The following REEP2 variants were observed in gnomAD, a reference collection of about 807,000 sequenced individuals.
REEP2 encodes receptor accessory protein 2.
REEP2 carries 9 observed loss-of-function variants against 32.1 expected under a neutral mutation model. The observed-to-expected ratio is 0.28, with a 90% CI of 0.17 to 0.49. REEP2 has a LOEUF of 0.49. Among genes scored for constraint, REEP2 ranks in the 20% least tolerant of loss-of-function variants. REEP2 has a pLI of 0.99. For synonymous variants in REEP2, 128 were observed against 139.1 expected (o/e 0.92, Z 0.56); for missense variants, 236 against 338.0 (o/e 0.70, Z 2.37).
rs1404404401 is a variant in REEP2, at chr5:138,445,475, C to A, written c.573C>A (p.Asp191Glu). The A allele has an allele frequency of 6.2e-7, 1 of 1,614,162 alleles. No homozygotes were observed. The part of the protein sequence containing the change: ...LLDTIEDLGD[D>E]PALSLRSSTN... Reference sequence around the variant, plus strand: ...TTTTCTCCCTGCACCCAGGAGATGACCCTGCCCTGAGTCTAAGGTCCAGCA... The same window carrying A: ...TTTTCTCCCTGCACCCAGGAGATGAACCTGCCCTGAGTCTAAGGTCCAGCA... The change falls in exon 7 of 8, where the codon GAC (aspartate) becomes GAA (glutamate). Residue 191 changes from aspartate to glutamate, a missense_variant. Transcript: ENST00000378339.
chr5:138,439,716 C>T, intron 1 of REEP2: 1 of 457,038 alleles, frequency 2.2e-6, no homozygotes, highest in Non-Finnish European at 4.4e-6. Flanking sequence ...TTGGTCTCTC[C>T]CTTCCACTCA....
rs1434867158 is a variant in REEP2, at chr5:138,441,930, A to G, written c.182+469A>G. 6.6e-6 allele frequency among the ~76,000 whole-genome samples: 1 copy of G among 152,134 alleles called. No homozygotes were observed. The highest frequency in any genetic ancestry group is 1.5e-5 in the Non-Finnish European group (1 of 68,012). ...CAACAGAGTGAGACTCCGTCTCAAA[A>G]AAAAAACAAACAAACAAGGAGTAAG... On this transcript the variant is annotated intron_variant, in intron 3 of 7. Coordinates refer to ENST00000378339, the MANE Select transcript of REEP2 (RefSeq NM_001271803.2). This position sits in a 1 kb window ranked among gnomAD's most constrained non-coding sequence, Gnocchi z 4.4.
Position 138,444,415 on chromosome 5 carries a change from G to T in REEP2, c.183G>T (p.Trp61Cys), listed in dbSNP as rs144517513. 1.1e-5 allele frequency: 18 copies of T among 1,613,778 alleles called. No homozygotes were observed. The highest frequency in any genetic ancestry group is 2.2e-5 in the East Asian group (1 of 44,872). Reference sequence around the variant, plus strand: ...TCTGCGCTTGCCCCTGTCCCAACAGGTTCCCCTTCTACTTTGAACTGAAGA... The same window carrying T: ...TCTGCGCTTGCCCCTGTCCCAACAGTTTCCCCTTCTACTTTGAACTGAAGA... ...AETLTDIVLS[W>C]FPFYFELKIA... The change falls in exon 4 of 8, where the codon TGG (tryptophan) becomes TGT (cysteine). Residue 61 changes from tryptophan (W) to cysteine (C), a missense_variant and splice_region_variant. Physicochemically the swap from Trp to Cys is radical, Grantham distance 215. Coordinates refer to ENST00000378339, the MANE Select transcript of REEP2 (RefSeq NM_001271803.2).
intron 1 of REEP2, chr5:138,439,588 G>T (rs749579670): frequency 2.0e-4 from 98 of 493,070 alleles, no homozygotes; most frequent in Non-Finnish European, 3.4e-4. Context: ...GTCTGGGCTG[G>T]AGGAGATCCT....
At position 138,445,394 on chromosome 5, in the gene REEP2, GT is replaced by G. The variant is rs746409779; in HGVS notation, c.565+21del. 8.1e-6 allele frequency: 13 copies of G among 1,612,474 alleles called. No homozygotes were observed. The highest frequency in any genetic ancestry group is 1.1e-5 in the Non-Finnish European group (13 of 1,179,108). The stretch of plus-strand genomic sequence containing the variant: ...GACTTAGGTACAGGCAGGGCCCGGG[GT>G]TGGGGTGGGGCCCCAAGGGCAAGGA... On this transcript the variant is annotated intron_variant, in intron 6 of 7. Coordinates refer to ENST00000378339, the MANE Select transcript of REEP2 (RefSeq NM_001271803.2).
chr5:138,444,647 T>G (rs4835794), intron 4 of REEP2, 107 bp from the exon 5 acceptor site: 1 of 1,565,070 alleles, frequency 6.4e-7, no homozygotes, highest in East Asian at 2.3e-5. Context: ...CCAAAGTGAC[T>G]TGGCAGGGCT....
At chr5:138,444,613 G>C in intron 4 of REEP2, 78 bp downstream of exon 4, 1 of 1,585,866 alleles carries the variant, frequency 6.3e-7, no homozygotes, top group Non-Finnish European at 8.6e-7. Context: ...CATACAGACT[G>C]GCCCTCCCTG....
intron 1 of REEP2, among the ~76,000 whole-genome samples, chr5:138,440,171 C>T (rs1763795709): frequency 6.6e-6 from 1 of 152,232 alleles, no homozygotes; most frequent in African/African-American, 2.4e-5. Flanking sequence ...CCCTCGGCCT[C>T]CACCGTTGGG....
rs777161099 is a variant in REEP2, at chr5:138,441,086, T to C, written c.103T>C (p.Tyr35His). The C allele has an allele frequency of 6.2e-7, 1 of 1,613,664 alleles. No homozygotes were observed. Among genetic ancestry groups the C allele is most frequent in the South Asian group, 1.1e-5 (1 of 91,078 alleles). ...KAVKTKNVKE[Y>H]VKWMMYWIVF... ...CGTGAAGACAAAAAACGTGAAGGAA[T>C]ATGTGAGTGGATGACCCTTCACCCC... The change falls in exon 2 of 8, where the codon TAT (tyrosine) becomes CAT (histidine). Residue 35 changes from tyrosine (Y) to histidine (H), a missense_variant and splice_region_variant. Tyr to His is a moderately conservative substitution (Grantham distance 83). Coordinates refer to ENST00000378339, the MANE Select transcript of REEP2 (RefSeq NM_001271803.2). This position sits in a 1 kb window ranked among gnomAD's most constrained non-coding sequence, Gnocchi z 4.4.
rs1374815739 is a variant in REEP2 at position 138,441,288 on chromosome 5, C to T, written c.106-97C>T. 15 of 1,332,222 alleles carry T rather than the reference C, an allele frequency of 1.1e-5. No homozygotes were observed. The highest frequency in any genetic ancestry group is 1.8e-4 in the Middle Eastern group (1 of 5,438). The allele number at this position is 1,332,222 out of a possible 1,614,324, so 82.5% of individuals were successfully genotyped here. The stretch of plus-strand genomic sequence containing the variant: ...GCAGAAGTGGGGTCCTTGGTGTTCT[C>T]CCCAGCCCAGGCATGTTCAACAGGC... On this transcript the variant is annotated intron_variant, in intron 2 of 7. Transcript: ENST00000378339. The surrounding 1 kb of genome is among the most constrained non-coding windows in gnomAD (Gnocchi z 4.4).
At position 138,445,392 on chromosome 5, in the gene REEP2, G is replaced by A. The variant is rs1763908936; in HGVS notation, c.565+17G>A. On this transcript the variant is annotated intron_variant, in intron 6 of 7. Transcript: ENST00000378339. ...AGGACTTAGGTACAGGCAGGGCCCG[G>A]GGTTGGGGTGGGGCCCCAAGGGCAA... The A allele has an allele frequency of 6.2e-7, 1 of 1,612,246 alleles. No individual in the cohort carries two copies. Among genetic ancestry groups the A allele is most frequent in the Non-Finnish European group, 8.5e-7 (1 of 1,179,072 alleles).
intron 1 of REEP2, 50 bp downstream of exon 1, chr5:138,439,290 G>T (rs1763777515): frequency 7.0e-7 from 1 of 1,424,902 alleles, no homozygotes; most frequent in Non-Finnish European, 9.2e-7. Context: ...GGAGGGCGGG[G>T]GTGTTAAAGC....
intron 1 of REEP2, chr5:138,439,739 T>G (rs1481663522): frequency 2.2e-6 from 1 of 456,504 alleles, no homozygotes; most frequent in African/African-American, 2.0e-5. Flanking sequence ...GTCAGGAGAC[T>G]GGGGACGAGG....
Position 138,441,600 on chromosome 5 carries a change from C to A in REEP2, c.182+139C>A. On this transcript the variant is annotated intron_variant, in intron 3 of 7. Coordinates refer to ENST00000378339, the MANE Select transcript of REEP2 (RefSeq NM_001271803.2). The surrounding 1 kb of genome is among the most constrained non-coding windows in gnomAD (Gnocchi z 4.4). ...ATTTCATGGGGTCCTTGATATCTCC[C>A]CTCTCATGCCTAACTTGACCTGCAG... 1 of 709,194 alleles carries A rather than the reference C, an allele frequency of 1.4e-6. No individual in the cohort carries two copies. 43.9% of individuals were successfully genotyped at this position (709,194 alleles called of 1,614,324 possible).
In REEP2 at chr5:138,444,999, AG is replaced by A. The variant is rs777363666; in HGVS notation, c.417+134del. On this transcript the variant is annotated intron_variant, in intron 5 of 7. Coordinates refer to ENST00000378339, the MANE Select transcript of REEP2 (RefSeq NM_001271803.2). ...CTCATGCAGCTGGAGGCTCCAGTCC[AG>A]GCTCTACTGCTATCTGGCCGAGTCA... 1.3e-3 allele frequency: 1,008 copies of A among 770,160 alleles called. 3 individuals carry two copies. Among genetic ancestry groups the A allele is most frequent in the Non-Finnish European group, 1.8e-3 (860 of 486,488 alleles). 47.7% of individuals were successfully genotyped at this position (770,160 alleles called of 1,614,324 possible). A position where few individuals can be genotyped will look rare whatever the true frequency, so the allele number is the denominator to read the frequency against.
chr5:138,441,557 C>T lies in REEP2; in HGVS notation c.182+96C>T, dbSNP rs1763827581. ...CAAAAGACTGGGCCTGGGGGTGAAG[C>T]TCCTCCCATTCCTGACAATTTCATG... On this transcript the variant is annotated intron_variant, in intron 3 of 7. Coordinates refer to ENST00000378339, the MANE Select transcript of REEP2 (RefSeq NM_001271803.2). This position sits in a 1 kb window ranked among gnomAD's most constrained non-coding sequence, Gnocchi z 4.4. 9 of 1,048,212 alleles carry T rather than the reference C, an allele frequency of 8.6e-6. No homozygotes were observed. Among genetic ancestry groups the T allele is most frequent in the African/African-American group, 1.6e-5 (1 of 63,556 alleles). The allele number at this position is 1,048,212 out of a possible 1,614,324, so 64.9% of individuals were successfully genotyped here. A position where few individuals can be genotyped will look rare whatever the true frequency, so the allele number is the denominator to read the frequency against.
At chr5:138,443,136 G>A (rs980243845) in intron 3 of REEP2, among the ~76,000 whole-genome samples, 49 of 151,974 alleles carry the variant, frequency 3.2e-4, no homozygotes, top group Non-Finnish European at 8.8e-5. Flanking sequence ...TTTGAGATCA[G>A]CCTGGGCAAC....
chr5:138,445,484 G>A lies in REEP2; in HGVS notation c.582G>A (p.Leu194=), dbSNP rs1330054939. 2.5e-6 allele frequency: 4 copies of A among 1,614,170 alleles called. No individual in the cohort carries two copies. The highest frequency in any genetic ancestry group is 3.4e-6 in the Non-Finnish European group (4 of 1,180,026). Residue 194 remains leucine (L), a synonymous_variant, in exon 7 of 8, where the codon CTG becomes CTA. Transcript: ENST00000378339. ...TGCACCCAGGAGATGACCCTGCCCT[G>A]AGTCTAAGGTCCAGCACAAACCCGG... The part of the protein sequence containing the change: ...TIEDLGDDPA[L]SLRSSTNPAD...
intron 1 of REEP2, 190 bp from the exon 2 acceptor site, chr5:138,440,826 G>A (rs1481042253): frequency 9.1e-7 from 1 of 1,099,134 alleles, no homozygotes; most frequent in East Asian, 2.6e-5. Flanking sequence ...GTGGAGCGGG[G>A]AGGGGGCATC....
Sources: allele counts gnomAD v4.1 joint callset (sites outside exome capture counted in the v4.1 genomes callset), GRCh38; gene constraint gnomAD v4.1.1; non-coding constraint Gnocchi (gnomAD v3.1); transcripts MANE v1.5; gene names NCBI Gene and HGNC (gene_info 2026-07-23, HGNC 2026-07-21).